Variants in SMAD1 observed in about 807,000 individuals in gnomAD.
SMAD1 encodes the protein SMAD family member 1, also known as MAD, mothers against decapentaplegic homolog 1.
In SMAD1, 6 loss-of-function variants were observed where a neutral mutation model predicts 41.6. The ratio of observed to expected loss-of-function variants is 0.14; its 90% CI spans 0.08 to 0.28. The LOEUF (loss-of-function observed/expected upper bound fraction) is 0.28, where lower values mean the gene tolerates loss of function less well. SMAD1 is among the 10% of genes least tolerant of loss of function. SMAD1 has a pLI of 1.00. For missense variants in SMAD1, 379 were observed against 582.6 expected (o/e 0.65, Z 3.60); for synonymous variants, 206 against 203.2 (o/e 1.01, Z -0.12).
intron 2 of SMAD1, 85 bp from the exon 3 acceptor site, chr4:145,539,719 C>G: frequency 7.4e-7 from 1 of 1,351,296 alleles, no homozygotes; most frequent in Non-Finnish European, 1.0e-6. Flanking sequence ...TTGTTGTTTA[C>G]AGATTATGTT....
intron 2 of SMAD1, among the ~76,000 whole-genome samples, chr4:145,519,399 C>T (rs1301790593): frequency 1.4e-5 from 1 of 69,634 alleles, no homozygotes; most frequent in African/African-American, 3.2e-5. Context: ...CCCAGCTGAA[C>T]CTTTTTTTTT....
intron 1 of SMAD1, among the ~76,000 whole-genome samples, chr4:145,496,794 T>C (rs1729102180): frequency 6.6e-6 from 1 of 152,196 alleles, no homozygotes; most frequent in Non-Finnish European, 1.5e-5. Flanking sequence ...TGCACTTTTA[T>C]ACAGTGTTTC....
At chr4:145,536,115 A>G (rs1429742319) in intron 2 of SMAD1, among the ~76,000 whole-genome samples, 2 of 152,204 alleles carry the variant, frequency 1.3e-5, no homozygotes, top group African/African-American at 4.8e-5. Context: ...TTGGTAGCCA[A>G]GGTTCTCACT....
At chr4:145,555,978 AT>A (rs1732814427) in intron 6 of SMAD1, among the ~76,000 whole-genome samples, 1 of 152,236 alleles carries the variant, frequency 6.6e-6, no homozygotes, top group South Asian at 2.1e-4. Context: ...TGTTTATCAT[AT>A]GTTAGCAACA....
At chr4:145,504,695 T>G (rs938519196) in intron 1 of SMAD1, among the ~76,000 whole-genome samples, 6 of 152,226 alleles carry the variant, frequency 3.9e-5, no homozygotes, top group Non-Finnish European at 7.3e-5. Context: ...TGTTCCACAT[T>G]TAAGTAATAG....
At chr4:145,499,659 G>A (rs1224329937) in intron 1 of SMAD1, among the ~76,000 whole-genome samples, 1 of 151,650 alleles carries the variant, frequency 6.6e-6, no homozygotes, top group Non-Finnish European at 1.5e-5. Context: ...AGGTGTAGAT[G>A]AAACATACAT....
chr4:145,491,556 C>G (rs1339143633), intron 1 of SMAD1, among the ~76,000 whole-genome samples: 1 of 152,126 alleles, frequency 6.6e-6, no homozygotes, highest in Admixed American at 6.5e-5. Context: ...TCTTTGTATA[C>G]TAGGAAGTAT....
chr4:145,548,697 A>G (rs1481199285), intron 5 of SMAD1, among the ~76,000 whole-genome samples: 1 of 152,250 alleles, frequency 6.6e-6, no homozygotes, highest in East Asian at 1.9e-4. Context: ...ATCAGGCAAG[A>G]ATCATCAATG....
intron 2 of SMAD1, among the ~76,000 whole-genome samples, chr4:145,527,863 A>AT (rs199585690): frequency 0.02 from 2,731 of 138,920 alleles, 44 homozygotes; most frequent in Middle Eastern, 0.04. Context: ...TTGATCAGTA[A>AT]TTTTTTTTTT....
At chr4:145,505,256 C>T (rs928293247) in intron 1 of SMAD1, among the ~76,000 whole-genome samples, 4 of 152,244 alleles carry the variant, frequency 2.6e-5, no homozygotes, top group African/African-American at 7.2e-5. Flanking sequence ...TCAAACAAGG[C>T]AAGAGTTGAT....
intron 1 of SMAD1, among the ~76,000 whole-genome samples, chr4:145,506,044 A>G (rs1391182417): frequency 2.0e-5 from 3 of 152,054 alleles, no homozygotes; most frequent in Non-Finnish European, 4.4e-5. Context: ...GGGTTTCACC[A>G]TGTTGGCCAG....
At chr4:145,490,630 C>A (rs143037294) in intron 1 of SMAD1, among the ~76,000 whole-genome samples, 4 of 152,156 alleles carry the variant, frequency 2.6e-5, no homozygotes, top group African/African-American at 9.7e-5. Flanking sequence ...CAAGCCCCAA[C>A]ACTTACTTGT....
At position 145,492,666 on chromosome 4, in the gene SMAD1, C is replaced by G. The variant is rs549552950; in HGVS notation, c.-177+10628C>G. ...AACTTAACCTTCAGCCCCTTGCCCC[C>G]TCCCTTGAGGTTGGAGGGTGGGGCT... On this transcript the variant is annotated intron_variant, in intron 1 of 6. Transcript: ENST00000302085. 2.2e-4 allele frequency among the ~76,000 whole-genome samples: 34 copies of G among 152,330 alleles called. 2 individuals carry two copies. The highest frequency in any genetic ancestry group is 7.9e-4 in the African/African-American group (33 of 41,564).
chr4:145,545,739 A>C (rs1285368074), intron 4 of SMAD1: 1 of 151,928 alleles, frequency 6.6e-6, no homozygotes, highest in Non-Finnish European at 1.5e-5. Context: ...ATTATTGTAC[A>C]CCCAAGACTT....
In SMAD1 at chr4:145,558,404, T is replaced by G. The variant is rs937069027; in HGVS notation, c.*470T>G. Among the ~76,000 whole-genome samples, 1 of 152,210 alleles carries G rather than the reference T, an allele frequency of 6.6e-6. No homozygotes were observed. Among genetic ancestry groups the G allele is most frequent in the Admixed American group, 6.5e-5 (1 of 15,282 alleles). ...GGTTTTCATAATATTTTAAAACTAT[T>G]TGTTTAGCGATGGTTTTGTTCGTTT... On this transcript the variant is annotated 3_prime_UTR_variant, in exon 7 of 7. Coordinates refer to ENST00000302085, the MANE Select transcript of SMAD1 (RefSeq NM_005900.3).
rs1257707361 is a variant in SMAD1 at position 145,519,220 on chromosome 4, C to T, written c.400+4207C>T. 1.6e-4 allele frequency among the ~76,000 whole-genome samples: 12 copies of T among 73,238 alleles called. 2 individuals carry two copies. Among genetic ancestry groups the T allele is most frequent in the African/African-American group, 3.8e-4 (12 of 31,440 alleles). The allele number at this position is 73,238 out of a possible 152,430, so 48.0% of individuals were successfully genotyped here. On this transcript the variant is annotated intron_variant, in intron 2 of 6. Transcript: ENST00000302085. ...AAGAGATTCTCCTGCCTCAGCCTCCCGAGTAGCTAGGATTACAGACGTGCA... is the reference window on the plus strand; with the variant it reads ...AAGAGATTCTCCTGCCTCAGCCTCCTGAGTAGCTAGGATTACAGACGTGCA...
chr4:145,491,051 C>G (rs1403524934), intron 1 of SMAD1, among the ~76,000 whole-genome samples: 1 of 152,096 alleles, frequency 6.6e-6, no homozygotes, highest in African/African-American at 2.4e-5. Flanking sequence ...CCACAGAGCC[C>G]TTCAAAATGT....
At chr4:145,511,156 C>A (rs1012298922) in intron 1 of SMAD1, among the ~76,000 whole-genome samples, 1 of 152,174 alleles carries the variant, frequency 6.6e-6, no homozygotes, top group African/African-American at 2.4e-5. Flanking sequence ...TCTTAGTTGT[C>A]ATATTTTAGT....
chr4:145,488,663 C>T (rs1278114542), intron 1 of SMAD1, among the ~76,000 whole-genome samples: 2 of 151,922 alleles, frequency 1.3e-5, no homozygotes, highest in African/African-American at 4.8e-5. Flanking sequence ...TAACTAAATG[C>T]AAGATCTTTT....
Sources: allele counts gnomAD v4.1 joint callset (sites outside exome capture counted in the v4.1 genomes callset), GRCh38; gene constraint gnomAD v4.1.1; transcripts MANE v1.5; gene names NCBI Gene and HGNC (gene_info 2026-07-23, HGNC 2026-07-21).